Variants in CPEB4 observed in about 807,000 individuals in gnomAD.
CPEB4 encodes the protein cytoplasmic polyadenylation element binding protein 4, also known as cytoplasmic polyadenylation element-binding protein 4.
In CPEB4, 12 loss-of-function variants were observed where a neutral mutation model predicts 72.5. The observed-to-expected ratio is 0.17, with a 90% CI of 0.11 to 0.27. The LOEUF (loss-of-function observed/expected upper bound fraction) is 0.27, where lower values mean the gene tolerates loss of function less well. Ranked by LOEUF, CPEB4 falls within the 10% of genes least tolerant of loss-of-function variation. The probability of loss-of-function intolerance (pLI) is 1.00; values close to 1 mark genes in which losing one functional copy is unlikely to be tolerated. For synonymous variants in CPEB4, 302 were observed against 326.3 expected (o/e 0.93, Z 0.80); for missense variants, 614 against 908.5 (o/e 0.68, Z 4.17).
At chr5:173,942,955 T>C (rs1757898159) in intron 3 of CPEB4, 71 bp from the exon 4 acceptor site, 5 of 1,470,370 alleles carry the variant, frequency 3.4e-6, no homozygotes, top group Non-Finnish European at 4.7e-6. Flanking sequence ...AAATCACAGT[T>C]GATTCTTTTG....
At chr5:173,934,798 G>A (rs1382987587) in intron 3 of CPEB4, among the ~76,000 whole-genome samples, 2 of 152,216 alleles carry the variant, frequency 1.3e-5, no homozygotes, top group Admixed American at 6.5e-5. Context: ...ACTAGGTAGG[G>A]AGGAGAGGTG....
intron 2 of CPEB4, among the ~76,000 whole-genome samples, chr5:173,931,417 G>A (rs1018189026): frequency 3.3e-5 from 5 of 152,172 alleles, no homozygotes; most frequent in African/African-American, 7.2e-5. Context: ...TTGTAGTTCC[G>A]AGTCACTTTA....
At chr5:173,894,577 T>G (rs1016891951) in intron 1 of CPEB4, among the ~76,000 whole-genome samples, 1 of 143,864 alleles carries the variant, frequency 7.0e-6, no homozygotes, top group Non-Finnish European at 1.5e-5. Context: ...GCTGAGATCA[T>G]GCCACTGCAC....
intron 2 of CPEB4, among the ~76,000 whole-genome samples, chr5:173,915,634 T>C (rs998034648): frequency 5.9e-5 from 9 of 152,262 alleles, no homozygotes; most frequent in Admixed American, 3.9e-4. Context: ...AGCTTGTGCA[T>C]TGCTACAATA....
intron 1 of CPEB4, among the ~76,000 whole-genome samples, chr5:173,908,240 GT>G (rs1160389220): frequency 6.6e-6 from 1 of 152,200 alleles, no homozygotes; most frequent in African/African-American, 2.4e-5. Context: ...CTAAACCTTA[GT>G]CTGATCCTGG....
chr5:173,934,889 T>C (rs1757568504), intron 3 of CPEB4, among the ~76,000 whole-genome samples: 1 of 152,174 alleles, frequency 6.6e-6, no homozygotes, highest in Non-Finnish European at 1.5e-5. Context: ...TCTTCTAGAG[T>C]GGATCACATC....
intron 2 of CPEB4, among the ~76,000 whole-genome samples, chr5:173,926,593 G>C (rs1268229586): frequency 1.3e-5 from 2 of 152,086 alleles, no homozygotes; most frequent in African/African-American, 4.8e-5. Context: ...CTATGCCTTC[G>C]GCATGATGTA....
intron 1 of CPEB4, among the ~76,000 whole-genome samples, chr5:173,908,325 A>G (rs1258230201): frequency 2.6e-5 from 4 of 152,182 alleles, no homozygotes; most frequent in Non-Finnish European, 5.9e-5. Context: ...AATCCGGTGG[A>G]AGAGGTGGGG....
At position 173,960,113 on chromosome 5, in the gene CPEB4, C is replaced by T. The variant is rs528541624; in HGVS notation, c.*3976C>T. On this transcript the variant is annotated 3_prime_UTR_variant, in exon 10 of 10. Transcript: ENST00000265085. ...TCATTTTTTATTAAAGTCATTTTCA[C>T]GTTAAGTTCCTATTTTTGTATGTTC... The T allele has an allele frequency of 2.6e-5, 4 of 152,646 alleles. No individual in the cohort carries two copies. Among genetic ancestry groups the T allele is most frequent in the African/African-American group, 7.2e-5 (3 of 41,500 alleles). 9.5% of individuals were successfully genotyped at this position (152,646 alleles called of 1,614,324 possible).
chr5:173,933,152 C>T (rs1757503400), intron 3 of CPEB4, among the ~76,000 whole-genome samples: 1 of 152,070 alleles, frequency 6.6e-6, no homozygotes, highest in African/African-American at 2.4e-5. Flanking sequence ...ATACAGAGGT[C>T]TTGTTTACTT....
At chr5:173,935,509 G>T (rs1440809076) in intron 3 of CPEB4, among the ~76,000 whole-genome samples, 1 of 152,118 alleles carries the variant, frequency 6.6e-6, no homozygotes, top group Non-Finnish European at 1.5e-5. Flanking sequence ...TAGCCACTCT[G>T]CTTTGTTTCA....
At chr5:173,915,876 G>A (rs960211348) in intron 2 of CPEB4, among the ~76,000 whole-genome samples, 2 of 152,202 alleles carry the variant, frequency 1.3e-5, no homozygotes, top group Non-Finnish European at 2.9e-5. Context: ...GTGAAATAAA[G>A]ATTCATGAGT....
At position 173,956,603 on chromosome 5, in the gene CPEB4, CT is replaced by C. The variant is rs55771761; in HGVS notation, c.*482del. 0.028 allele frequency: 3,772 copies of C among 133,010 alleles called. 60 individuals carry two copies. The highest frequency in any genetic ancestry group is 0.043 in the Middle Eastern group (11 of 258). The allele number at this position is 133,010 out of a possible 1,614,324, so 8.2% of individuals were successfully genotyped here. On this transcript the variant is annotated 3_prime_UTR_variant, in exon 10 of 10. Coordinates refer to ENST00000265085, the MANE Select transcript of CPEB4 (RefSeq NM_030627.4). The stretch of plus-strand genomic sequence containing the variant: ...GGGAAGTGCTTTTGCCTTTTCCTTT[CT>C]TTTTTTTTTTTTTTTCATCTTTTTT...
intron 3 of CPEB4, among the ~76,000 whole-genome samples, chr5:173,939,416 C>G (rs1483171434): frequency 1.3e-5 from 2 of 152,100 alleles, no homozygotes; most frequent in Non-Finnish European, 1.5e-5. Context: ...TGTGTGGGTA[C>G]TTTGTTTCTT....
chr5:173,911,258 G>C (rs532682548), intron 2 of CPEB4, among the ~76,000 whole-genome samples: 27 of 151,552 alleles, frequency 1.8e-4, no homozygotes, highest in African/African-American at 6.3e-4. Context: ...CCATACATGG[G>C]GTGCGGGCTT....
At chr5:173,952,332 T>C (rs1239087814) in intron 8 of CPEB4, among the ~76,000 whole-genome samples, 1 of 152,252 alleles carries the variant, frequency 6.6e-6, no homozygotes, top group African/African-American at 2.4e-5. Flanking sequence ...AGATTCTGTA[T>C]TGAGATTGTC....
Position 173,900,414 on chromosome 5 carries a change from A to AG in CPEB4, c.1125+9556_1125+9557insG, listed in dbSNP as rs1756188352. 1.3e-5 allele frequency among the ~76,000 whole-genome samples: 2 copies of AG among 152,084 alleles called. No individual in the cohort carries two copies. The highest frequency in any genetic ancestry group is 2.9e-5 in the Non-Finnish European group (2 of 68,002). The stretch of plus-strand genomic sequence containing the variant: ...CAGCGGAACTCTGTCTCAAAAAAAA[A>AG]AAAAGTTGTACATTAGGGTGGACCC... On this transcript the variant is annotated intron_variant, in intron 1 of 9. Transcript: ENST00000265085. The surrounding 1 kb of genome is among the most constrained non-coding windows in gnomAD (Gnocchi z 4.4).
intron 2 of CPEB4, among the ~76,000 whole-genome samples, chr5:173,911,863 G>A (rs1293231431): frequency 6.6e-6 from 1 of 152,062 alleles, no homozygotes; most frequent in Non-Finnish European, 1.5e-5. Context: ...TGACAAGGCA[G>A]CCTGTTGTTT....
At position 173,921,961 on chromosome 5, in the gene CPEB4, G is replaced by T. The variant is rs538276671; in HGVS notation, c.1208-10489G>T. 7.3e-4 allele frequency among the ~76,000 whole-genome samples: 111 copies of T among 152,222 alleles called. 1 individual carries two copies. Among genetic ancestry groups the T allele is most frequent in the South Asian group, 3.1e-3 (15 of 4,820 alleles). ...ATTATTTGTAACCCAGATCCTTACG[G>T]TAACCTGTTATGTGAGTTTTGTGGT... On this transcript the variant is annotated intron_variant, in intron 2 of 9. Coordinates refer to ENST00000265085, the MANE Select transcript of CPEB4 (RefSeq NM_030627.4).
Sources: gnomAD v4.1 joint callset for allele counts (sites outside exome capture counted in the v4.1 genomes callset) on GRCh38, gnomAD v4.1.1 for gene constraint, Gnocchi (gnomAD v3.1) non-coding constraint, MANE v1.5 for transcripts, NCBI Gene and HGNC (gene_info 2026-07-23, HGNC 2026-07-21) for gene names.